ZNF280D: variants seen among roughly 807,000 people sequenced by gnomAD.
The protein encoded by ZNF280D is suppressor of hairy wing homolog 4.
Under a neutral mutation model 94.7 loss-of-function variants are expected in ZNF280D, and 39 were observed. The observed-to-expected ratio is 0.41, with a 90% CI of 0.32 to 0.54. The LOEUF (loss-of-function observed/expected upper bound fraction) is 0.54. ZNF280D is among the 20% of genes least tolerant of loss of function. The pLI, the probability that ZNF280D is intolerant of heterozygous loss-of-function variation, is 0.22. For synonymous variants in ZNF280D, 398 were observed against 377.6 expected (o/e 1.05, Z -0.63); for missense variants, 1,090 against 1,149.3 (o/e 0.95, Z 0.75).
At chr15:56,713,165 A>G (rs1680488) in intron 1 of ZNF280D, among the ~76,000 whole-genome samples, 32,321 of 152,140 alleles carry the variant, frequency 0.21, 3,555 homozygotes, top group African/African-American at 0.25. Context: ...AAATGTTTTA[A>G]TTGGGGATTG....
At chr15:56,671,511 C>G (rs114461476) in intron 13 of ZNF280D, among the ~76,000 whole-genome samples, 1 of 152,034 alleles carries the variant, frequency 6.6e-6, no homozygotes, top group African/African-American at 2.4e-5. Flanking sequence ...TTTCTGGGTT[C>G]TCTATACTAT....
At position 56,689,088 on chromosome 15, in the gene ZNF280D, A is replaced by G. The variant is rs746640117; in HGVS notation, c.733T>C (p.Cys245Arg). 10 of 1,611,244 alleles carry G rather than the reference A, an allele frequency of 6.2e-6. No individual in the cohort carries two copies. Among genetic ancestry groups the G allele is most frequent in the Admixed American group, 1.7e-5 (1 of 59,578 alleles). The change falls in exon 9 of 22, where the codon TGC becomes CGC. Residue 245 changes from cysteine (C) to arginine (R), a missense_variant. This residue lies in a region of ZNF280D where 386 missense variants were observed against 372.0 expected (regional missense o/e 1.04). Transcript: ENST00000267807. Reference sequence around the variant, plus strand: ...TCCAAAAGATTGAAATGAATGTTGCACTTTGGACAAGCTCTTGGAAAAGGT... The same window carrying G: ...TCCAAAAGATTGAAATGAATGTTGCGCTTTGGACAAGCTCTTGGAAAAGGT... ...GTPFPRACPK[C>R]NIHFNLLDPL...
Position 56,677,555 on chromosome 15 carries a change from CAATAAA to C in ZNF280D, c.1263+13_1263+18del. 1 of 1,551,192 alleles carries C rather than the reference CAATAAA, an allele frequency of 6.4e-7. No homozygotes were observed. Among genetic ancestry groups the C allele is most frequent in the Non-Finnish European group, 8.9e-7 (1 of 1,126,000 alleles). On this transcript the variant is annotated intron_variant, in intron 12 of 21. Coordinates refer to ENST00000267807, the MANE Select transcript of ZNF280D (RefSeq NM_017661.4). The stretch of plus-strand genomic sequence containing the variant: ...CAAACAAACCAAACACTTAAAAAAA[CAATAAA>C]ATGTATGTGTACCTGGCAGACATAT...
intron 20 of ZNF280D, among the ~76,000 whole-genome samples, chr15:56,638,293 A>C (rs1414282490): frequency 1.3e-5 from 2 of 152,204 alleles, no homozygotes; most frequent in Non-Finnish European, 2.9e-5. Flanking sequence ...CAAATGACCA[A>C]TGCATGATAT....
intron 12 of ZNF280D, 81 bp downstream of exon 12, chr15:56,677,493 G>T: frequency 1.0e-6 from 1 of 957,538 alleles, no homozygotes; most frequent in Admixed American, 1.9e-5. Context: ...TTTGCTGACC[G>T]CTGGTCTAAT....
chr15:56,668,847 T>C lies in ZNF280D; in HGVS notation c.1521A>G (p.Leu507=), dbSNP rs766315375. Residue 507 remains leucine, a synonymous_variant, in exon 14 of 22, where the codon CTA becomes CTG. Coordinates refer to ENST00000267807, the MANE Select transcript of ZNF280D (RefSeq NM_017661.4). ...CTTTTGTTCCAGGAGGCAATCCTTCTAGTTGTTTAGGTTTTATAAATGTTC... is the reference window on the plus strand; with the variant it reads ...CTTTTGTTCCAGGAGGCAATCCTTCCAGTTGTTTAGGTTTTATAAATGTTC... ...HHRTFIKPKQ[L]EGLPPGTKVT... is the part of the protein sequence containing the mutation. 1.2e-6 allele frequency: 2 copies of C among 1,607,812 alleles called. No homozygotes were observed. Among genetic ancestry groups the C allele is most frequent in the Non-Finnish European group, 1.7e-6 (2 of 1,177,712 alleles).
intron 10 of ZNF280D, among the ~76,000 whole-genome samples, chr15:56,681,394 T>C (rs1234854856): frequency 6.6e-6 from 1 of 152,130 alleles, no homozygotes; most frequent in Non-Finnish European, 1.5e-5. Context: ...AATCAGATAG[T>C]TCTAAGAAGG....
intron 10 of ZNF280D, among the ~76,000 whole-genome samples, 196 bp from the exon 11 acceptor site, chr15:56,679,017 T>TTTGC (rs1393534391): frequency 1.3e-5 from 2 of 152,216 alleles, no homozygotes; most frequent in Non-Finnish European, 2.9e-5. Flanking sequence ...TCTTTTTACC[T>TTTGC]TTGCTTTAAA....
In ZNF280D at chr15:56,631,992, C is replaced by A; in HGVS notation, c.2446G>T (p.Asp816Tyr). ...ATGTTTTTTGAGCCAGTTTCCTGGT[C>A]TGCAAGACAGGTTTCATTTTCCTTA... ...SDKENETCLA[D>Y]QETGSKNIVS... is the part of the protein sequence containing the mutation. Residue 816 changes from aspartate to tyrosine, a missense_variant, in exon 22 of 22, where the codon GAC (aspartate) becomes TAC (tyrosine). Asp to Tyr is a radical substitution (Grantham distance 160). Transcript: ENST00000267807. 1 of 1,614,020 alleles carries A rather than the reference C, an allele frequency of 6.2e-7. No individual in the cohort carries two copies. Among genetic ancestry groups the A allele is most frequent in the Non-Finnish European group, 8.5e-7 (1 of 1,180,014 alleles).
intron 1 of ZNF280D, among the ~76,000 whole-genome samples, chr15:56,720,366 A>C (rs2058290797): frequency 6.6e-6 from 1 of 152,208 alleles, no homozygotes; most frequent in African/African-American, 2.4e-5. Context: ...TTCAGGCTCC[A>C]CTTCTAAATC....
Position 56,631,253 on chromosome 15 carries a change from C to A in ZNF280D, c.*245G>T, listed in dbSNP as rs1226235630. 1 of 411,672 alleles carries A rather than the reference C, an allele frequency of 2.4e-6. No individual in the cohort carries two copies. Among genetic ancestry groups the A allele is most frequent in the East Asian group, 4.0e-5 (1 of 24,714 alleles). The allele number at this position is 411,672 out of a possible 1,614,324, so 25.5% of individuals were successfully genotyped here. A position where few individuals can be genotyped will look rare whatever the true frequency, so the allele number is the denominator to read the frequency against. On this transcript the variant is annotated 3_prime_UTR_variant, in exon 22 of 22. Coordinates refer to ENST00000267807, the MANE Select transcript of ZNF280D (RefSeq NM_017661.4). ...ACCATTAAATGAGACCTTTCCACTG[C>A]AAATTTAATTATCATTAAAATCCTG... is the stretch of plus-strand genomic sequence containing the variant.
chr15:56,657,406 G>C (rs1234231122), intron 17 of ZNF280D, among the ~76,000 whole-genome samples: 6 of 152,090 alleles, frequency 3.9e-5, no homozygotes, highest in African/African-American at 1.4e-4. Context: ...ATTCCTTTAA[G>C]AGATAGCTTA....
chr15:56,670,822 C>A (rs1243613979), intron 13 of ZNF280D, among the ~76,000 whole-genome samples: 1 of 152,086 alleles, frequency 6.6e-6, no homozygotes, highest in Non-Finnish European at 1.5e-5. Flanking sequence ...CACTCCTTTG[C>A]TCCATAACCT....
chr15:56,719,385 C>T (rs1388311170), intron 1 of ZNF280D, among the ~76,000 whole-genome samples: 1 of 151,900 alleles, frequency 6.6e-6, no homozygotes, highest in Non-Finnish European at 1.5e-5. Context: ...CCTCCCTCCT[C>T]TTTCGCTTCC....
At chr15:56,660,570 C>G (rs1029129736) in intron 16 of ZNF280D, among the ~76,000 whole-genome samples, 10 of 151,922 alleles carry the variant, frequency 6.6e-5, no homozygotes, top group Non-Finnish European at 1.2e-4. Flanking sequence ...AAAAAAAATA[C>G]TACCCTTCTT....
chr15:56,728,995 G>A (rs1157753994), intron 1 of ZNF280D, among the ~76,000 whole-genome samples: 1 of 152,272 alleles, frequency 6.6e-6, no homozygotes, highest in African/African-American at 2.4e-5. Context: ...TTCAACTAAT[G>A]ACGGGTTTAT....
intron 1 of ZNF280D, among the ~76,000 whole-genome samples, chr15:56,716,077 A>T (rs1422291377): frequency 6.6e-6 from 1 of 152,194 alleles, no homozygotes; most frequent in Non-Finnish European, 1.5e-5. Flanking sequence ...GAGCACCCTC[A>T]AATTCTGCTA....
chr15:56,707,082 T>C lies in ZNF280D; in HGVS notation c.28A>G (p.Ser10Gly), dbSNP rs780878217. The C allele has an allele frequency of 7.4e-6, 12 of 1,613,830 alleles. No individual in the cohort carries two copies. Among genetic ancestry groups the C allele is most frequent in the African/African-American group, 1.3e-5 (1 of 75,046 alleles). The change falls in exon 3 of 22, where the codon AGT becomes GGT. Residue 10 changes from serine to glycine, a missense_variant and splice_region_variant. Physicochemically the swap from Ser to Gly is moderately conservative, Grantham distance 56. This residue lies in a region of ZNF280D where 386 missense variants were observed against 372.0 expected (regional missense o/e 1.04). Transcript: ENST00000267807. Reference protein sequence around the residue: MGDNPFQPKSNSKMAELFME... With the variant: MGDNPFQPKGNSKMAELFME... ...TATTAGTTGTGGCAGCAACACTTAC[T>C]TTTTGGTTGAAAAGGGTTGTCGCCC...
Position 56,677,777 on chromosome 15 carries a change from T to C in ZNF280D, c.1163-103A>G, listed in dbSNP as rs115163178. 809 of 368,714 alleles carry C rather than the reference T, an allele frequency of 2.2e-3. 5 individuals are homozygous for C. The highest frequency in any genetic ancestry group is 0.016 in the African/African-American group (739 of 45,634). 22.8% of individuals were successfully genotyped at this position (368,714 alleles called of 1,614,324 possible). ...ACAATAACAGTAGCAGTAGGGACAGTTGTGAAGAGTTAAACAGCTTGTTAA... is the reference window on the plus strand; with the variant it reads ...ACAATAACAGTAGCAGTAGGGACAGCTGTGAAGAGTTAAACAGCTTGTTAA... On this transcript the variant is annotated intron_variant, in intron 11 of 21. Coordinates refer to ENST00000267807, the MANE Select transcript of ZNF280D (RefSeq NM_017661.4).
Sources: allele counts gnomAD v4.1 joint callset (sites outside exome capture counted in the v4.1 genomes callset), GRCh38; gene constraint gnomAD v4.1.1; regional missense constraint gnomAD v4.1.1; transcripts MANE v1.5; gene names NCBI Gene and HGNC (gene_info 2026-07-23, HGNC 2026-07-21).